CTTNBP2NL: variants seen among roughly 807,000 people sequenced by gnomAD.
The protein encoded by CTTNBP2NL is CTTNBP2 N-terminal-like protein.
A neutral mutation model predicts 32.5 loss-of-function variants in CTTNBP2NL; 16 were observed. The ratio of observed to expected loss-of-function variants is 0.49; its 90% CI spans 0.33 to 0.75. The LOEUF is 0.75. Among genes scored for constraint, CTTNBP2NL ranks in the 30% least tolerant of loss-of-function variants. The pLI, the probability that CTTNBP2NL is intolerant of heterozygous loss-of-function variation, is 0.02. For missense variants in CTTNBP2NL, 645 were observed against 756.0 expected (o/e 0.85, Z 1.72); for synonymous variants, 298 against 289.4 (o/e 1.03, Z -0.30).
intron 3 of CTTNBP2NL, among the ~76,000 whole-genome samples, chr1:112,432,442 T>G (rs1476173631): frequency 6.6e-6 from 1 of 152,126 alleles, no homozygotes; most frequent in Non-Finnish European, 1.5e-5. Context: ...ATATGCACAA[T>G]GGGATGTCAA....
chr1:112,435,827 G>A (rs1649711287), intron 3 of CTTNBP2NL, among the ~76,000 whole-genome samples: 2 of 152,262 alleles, frequency 1.3e-5, no homozygotes, highest in East Asian at 1.9e-4. Context: ...AAATTGGGGT[G>A]TGATTATCTG....
At position 112,458,024 on chromosome 1, in the gene CTTNBP2NL, C is replaced by T. The variant is rs1650430690; in HGVS notation, c.*612C>T. ...GGGTGTGAACTCACCACAAGCTGAG[C>T]TTTATAGAGCCCTTGAGAAACCCTC... On this transcript the variant is annotated 3_prime_UTR_variant, in exon 6 of 6. Transcript: ENST00000271277. The T allele has an allele frequency of 6.5e-6, 1 of 152,698 alleles. No homozygotes were observed. The highest frequency in any genetic ancestry group is 2.1e-4 in the South Asian group (1 of 4,828). The allele number at this position is 152,698 out of a possible 1,614,324, so 9.5% of individuals were successfully genotyped here.
Position 112,456,069 on chromosome 1 carries a change from G to T in CTTNBP2NL, c.577G>T (p.Ala193Ser), listed in dbSNP as rs201675639. 6.2e-7 allele frequency: 1 copy of T among 1,614,142 alleles called. No individual in the cohort carries two copies. The highest frequency in any genetic ancestry group is 2.2e-5 in the East Asian group (1 of 44,874). ...VLECKKATNK[A>S]AEEGQKAGEL... Reference sequence around the variant, plus strand: ...TGAGTGCAAGAAAGCCACCAACAAGGCAGCCGAGGAAGGACAGAAGGCAGG... The same window carrying T: ...TGAGTGCAAGAAAGCCACCAACAAGTCAGCCGAGGAAGGACAGAAGGCAGG... Residue 193 changes from alanine to serine, a missense_variant, in exon 6 of 6, where the codon GCA (alanine) becomes TCA (serine). Transcript: ENST00000271277.
chr1:112,429,135 A>G (rs1203184958), intron 3 of CTTNBP2NL, among the ~76,000 whole-genome samples: 2 of 152,194 alleles, frequency 1.3e-5, no homozygotes, highest in East Asian at 1.9e-4. Flanking sequence ...ACCCTTGTGA[A>G]GTTGATATTT....
At chr1:112,455,839 C>A in intron 5 of CTTNBP2NL, 92 bp from the exon 6 acceptor site, 1 of 862,124 alleles carries the variant, frequency 1.2e-6, no homozygotes, top group Non-Finnish European at 1.8e-6. Context: ...CTGTGATGTG[C>A]ATGTTAATCC....
rs529303594 is a variant in CTTNBP2NL at position 112,398,407 on chromosome 1, T to C, written c.-134+2135T>C. On this transcript the variant is annotated intron_variant, in intron 1 of 5. Transcript: ENST00000271277. ...TCTTTGAGGGCAGATAGTAGTATTT[T>C]TTGTTTTTCATCTTTATATCTTTCA... 3.3e-5 allele frequency among the ~76,000 whole-genome samples: 5 copies of C among 152,310 alleles called. No homozygotes were observed. The South Asian group carries it at 1.0e-3, about 32-fold the overall frequency.
At position 112,426,597 on chromosome 1, in the gene CTTNBP2NL, C is replaced by T. The variant is rs536609836; in HGVS notation, c.99+10333C>T. On this transcript the variant is annotated intron_variant, in intron 3 of 5. Coordinates refer to ENST00000271277, the MANE Select transcript of CTTNBP2NL (RefSeq NM_018704.3). ...TCCAGTAATTAAATCATTTTCCCTA[C>T]GGCAAAACTTTTTTTTTTTTTTTTT... Among the ~76,000 whole-genome samples the T allele has an allele frequency of 4.7e-5, 7 of 149,072 alleles. No homozygotes were observed. The East Asian group carries it at 7.8e-4, about 17-fold the overall frequency.
rs1168972561 is a variant in CTTNBP2NL, at chr1:112,459,390, A to G, written c.*1978A>G. ...GAGAGGCCTTGGTGTCTTCACATAC[A>G]TTCTCTGAGCCAACATCTATCCAGC... On this transcript the variant is annotated 3_prime_UTR_variant, in exon 6 of 6. Coordinates refer to ENST00000271277, the MANE Select transcript of CTTNBP2NL (RefSeq NM_018704.3). 6.6e-6 allele frequency: 1 copy of G among 152,208 alleles called. No individual in the cohort carries two copies. The highest frequency in any genetic ancestry group is 1.5e-5 in the Non-Finnish European group (1 of 68,038). 9.4% of individuals were successfully genotyped at this position (152,208 alleles called of 1,614,324 possible).
chr1:112,441,398 G>A (rs1649888317), intron 3 of CTTNBP2NL, among the ~76,000 whole-genome samples: 1 of 151,920 alleles, frequency 6.6e-6, no homozygotes. Context: ...CCTTTTTATT[G>A]CTGTCTAGTA....
chr1:112,397,053 A>G (rs1369227564), intron 1 of CTTNBP2NL, among the ~76,000 whole-genome samples: 1 of 152,074 alleles, frequency 6.6e-6, no homozygotes, highest in South Asian at 2.1e-4. Flanking sequence ...TTTCCACCCT[A>G]TTTCCTCCCT....
At chr1:112,433,688 AT>A (rs1404468011) in intron 3 of CTTNBP2NL, among the ~76,000 whole-genome samples, 1 of 152,112 alleles carries the variant, frequency 6.6e-6, no homozygotes, top group Non-Finnish European at 1.5e-5. Context: ...TTCTTAATAC[AT>A]TTTTTATTTG....
chr1:112,399,687 A>G (rs1383496305), intron 1 of CTTNBP2NL, among the ~76,000 whole-genome samples: 2 of 152,098 alleles, frequency 1.3e-5, no homozygotes, highest in Non-Finnish European at 1.5e-5. Context: ...GGAAGCAGAG[A>G]TATGCTTCTA....
At chr1:112,444,030 G>A (rs193154164) in intron 3 of CTTNBP2NL, among the ~76,000 whole-genome samples, 2 of 152,318 alleles carry the variant, frequency 1.3e-5, no homozygotes, top group East Asian at 3.9e-4. Flanking sequence ...TCCCTGGCAT[G>A]AAGTATTCAG....
Position 112,456,770 on chromosome 1 carries a change from T to C in CTTNBP2NL, c.1278T>C (p.Ser426=). The C allele has an allele frequency of 6.2e-7, 1 of 1,613,990 alleles. No individual in the cohort carries two copies. Among genetic ancestry groups the C allele is most frequent in the Non-Finnish European group, 8.5e-7 (1 of 1,179,990 alleles). ...SSTASSSLTS[S]PCSSPVLTKR... is the part of the protein sequence containing the mutation. Reference sequence around the variant, plus strand: ...CTGCCTCCTCCTCTCTAACATCCTCTCCTTGCTCTTCGCCGGTACTCACTA... The same window carrying C: ...CTGCCTCCTCCTCTCTAACATCCTCCCCTTGCTCTTCGCCGGTACTCACTA... Residue 426 remains serine, a synonymous_variant, in exon 6 of 6, where the codon TCT becomes TCC. Transcript: ENST00000271277.
chr1:112,419,067 G>A (rs530001061), intron 3 of CTTNBP2NL, among the ~76,000 whole-genome samples: 27 of 152,056 alleles, frequency 1.8e-4, no homozygotes, highest in Non-Finnish European at 3.1e-4. Flanking sequence ...TTTCATGTGC[G>A]ATTAACTTAA....
At chr1:112,430,214 T>TTCTTTTCTTTTCTTG (rs1649526874) in intron 3 of CTTNBP2NL, among the ~76,000 whole-genome samples, 12 of 41,086 alleles carry the variant, frequency 2.9e-4, no homozygotes, top group African/African-American at 4.6e-4. Context: ...TTCTTTTCTT[T>TTCTTTTCTTTTCTTG]TCTTTTCTTG....
chr1:112,459,423 ACCT>A lies in CTTNBP2NL; in HGVS notation c.*2015_*2017del, dbSNP rs1175465677. 1 of 152,200 alleles carries A rather than the reference ACCT, an allele frequency of 6.6e-6. No homozygotes were observed. The highest frequency in any genetic ancestry group is 2.4e-5 in the African/African-American group (1 of 41,442). 9.4% of individuals were successfully genotyped at this position (152,200 alleles called of 1,614,324 possible). On this transcript the variant is annotated 3_prime_UTR_variant, in exon 6 of 6. Coordinates refer to ENST00000271277, the MANE Select transcript of CTTNBP2NL (RefSeq NM_018704.3). ...AGCCAACATCTATCCAGCAGCCCTG[ACCT>A]CCTGCTATAATTTAAGTCTATTTCC... is the stretch of plus-strand genomic sequence containing the variant.
At chr1:112,424,655 T>C (rs1356842344) in intron 3 of CTTNBP2NL, among the ~76,000 whole-genome samples, 1 of 152,228 alleles carries the variant, frequency 6.6e-6, no homozygotes, top group Non-Finnish European at 1.5e-5. Flanking sequence ...ATGAATATGC[T>C]ATATCTCATC....
chr1:112,453,437 A>G (rs1319264151), intron 4 of CTTNBP2NL, among the ~76,000 whole-genome samples: 1 of 152,092 alleles, frequency 6.6e-6, no homozygotes, highest in Non-Finnish European at 1.5e-5. Flanking sequence ...AGATGGGATT[A>G]TGTGAAAAAT....
Sources: gnomAD v4.1 joint callset for allele counts (sites outside exome capture counted in the v4.1 genomes callset) on GRCh38, gnomAD v4.1.1 for gene constraint, MANE v1.5 for transcripts, NCBI Gene and HGNC (gene_info 2026-07-23, HGNC 2026-07-21) for gene names.